The following DOK5 variants were observed in gnomAD, a reference collection of about 807,000 sequenced individuals.
The protein encoded by DOK5 is docking protein 5, also known as downstream of tyrosine kinase 5.
Under a neutral mutation model 43.3 loss-of-function variants are expected in DOK5, and 27 were observed. That is an observed-to-expected ratio of 0.62 (90% CI 0.46 to 0.86). The LOEUF (loss-of-function observed/expected upper bound fraction) is 0.86. Among genes scored for constraint, DOK5 ranks in the 40% least tolerant of loss-of-function variants. The probability of loss-of-function intolerance (pLI) is 0.00; values close to 1 mark genes in which losing one functional copy is unlikely to be tolerated. For synonymous variants in DOK5, 146 were observed against 140.1 expected, an observed-to-expected ratio of 1.04 and a Z score of -0.30; for missense variants, 373 against 392.9, an observed-to-expected ratio of 0.95 and a Z score of 0.43.
chr20:54,485,685 A>G (rs551419494), intron 1 of DOK5, among the ~76,000 whole-genome samples: 2 of 152,200 alleles, frequency 1.3e-5, no homozygotes, highest in Non-Finnish European at 2.9e-5. Flanking sequence ...CAGGAGTGCA[A>G]TTGCTGGGTT....
chr20:54,634,196 T>A (rs892519954), intron 6 of DOK5, among the ~76,000 whole-genome samples: 5 of 152,126 alleles, frequency 3.3e-5, no homozygotes, highest in African/African-American at 1.2e-4. Context: ...CCAAGAGGGC[T>A]GATAGAATTT....
rs919356601 is a variant in DOK5 at position 54,638,758 on chromosome 20, T to C, written c.736-4700T>C. On this transcript the variant is annotated intron_variant, in intron 6 of 7. Coordinates refer to ENST00000262593, the MANE Select transcript of DOK5 (RefSeq NM_018431.5). ...ACACCATTTCTTTTCTTTTCTTTTT[T>C]TTTTTTTTTTTTTGAGACTGAGTCT... is the stretch of plus-strand genomic sequence containing the variant. Among the ~76,000 whole-genome samples, 35 of 148,030 alleles carry C rather than the reference T, an allele frequency of 2.4e-4. No homozygotes were observed. In the South Asian group the frequency reaches 2.6e-3, roughly 11 times the overall value.
At chr20:54,526,363 G>C (rs765150326) in intron 1 of DOK5, among the ~76,000 whole-genome samples, 1 of 152,120 alleles carries the variant, frequency 6.6e-6, no homozygotes, top group Non-Finnish European at 1.5e-5. Context: ...GATCCATGGA[G>C]TTTTAGCTAG....
At chr20:54,541,682 C>A (rs911487587) in intron 1 of DOK5, among the ~76,000 whole-genome samples, 6 of 152,078 alleles carry the variant, frequency 3.9e-5, no homozygotes, top group Non-Finnish European at 2.9e-5. Flanking sequence ...AGTGATCCAC[C>A]TGCCTGGGCC....
rs1981385335 is a variant in DOK5, at chr20:54,475,644, G to C, written c.-303G>C. ...GGAGGCAGGGCTGGATCCCTCAGCC[G>C]CCGCCGCTCCTCCTCCTGGCAGGCC... is the stretch of plus-strand genomic sequence containing the variant. On this transcript the variant is annotated 5_prime_UTR_variant, in exon 1 of 8. Transcript: ENST00000262593. The surrounding 1 kb of genome is among the most constrained non-coding windows in gnomAD (Gnocchi z 4.2). 1 of 475,404 alleles carries C rather than the reference G, an allele frequency of 2.1e-6. No individual in the cohort carries two copies. The highest frequency in any genetic ancestry group is 3.5e-5 in the Admixed American group (1 of 28,380). 29.4% of individuals were successfully genotyped at this position (475,404 alleles called of 1,614,324 possible).
At chr20:54,480,287 C>T (rs951788273) in intron 1 of DOK5, among the ~76,000 whole-genome samples, 14 of 152,182 alleles carry the variant, frequency 9.2e-5, no homozygotes, top group African/African-American at 3.4e-4. Context: ...GCACAAGATA[C>T]AGGTCATAAA....
intron 1 of DOK5, among the ~76,000 whole-genome samples, chr20:54,482,643 C>T (rs1022391784): frequency 1.3e-5 from 2 of 152,106 alleles, no homozygotes; most frequent in Non-Finnish European, 2.9e-5. Flanking sequence ...ACTACAGGCA[C>T]ATGTCACCAC....
At chr20:54,630,997 G>A (rs1816209285) in intron 6 of DOK5, among the ~76,000 whole-genome samples, 2 of 152,088 alleles carry the variant, frequency 1.3e-5, no homozygotes, top group Admixed American at 1.3e-4. Context: ...GTCTCATCTG[G>A]TAAATTAAAC....
chr20:54,505,214 T>G (rs1380636348), intron 1 of DOK5, among the ~76,000 whole-genome samples: 1 of 152,174 alleles, frequency 6.6e-6, no homozygotes, highest in Non-Finnish European at 1.5e-5. Context: ...AATCAGGGGT[T>G]GGTAAATTAT....
At chr20:54,543,732 A>G (rs1984247504) in intron 1 of DOK5, among the ~76,000 whole-genome samples, 1 of 152,164 alleles carries the variant, frequency 6.6e-6, no homozygotes, top group African/African-American at 2.4e-5. Context: ...AACAGATTAA[A>G]AAGCAGGGGC....
chr20:54,646,248 G>GTTTTTTTTTTTTGTT (rs1979416324), intron 7 of DOK5, among the ~76,000 whole-genome samples: 7 of 79,922 alleles, frequency 8.8e-5, no homozygotes, highest in Admixed American at 6.0e-4. Flanking sequence ...TGGTTATACT[G>GTTTTTTTTTTTTGTT]TTTTTTTTTT....
intron 5 of DOK5, among the ~76,000 whole-genome samples, chr20:54,603,647 G>A (rs192081514): frequency 6.6e-6 from 1 of 152,226 alleles, no homozygotes; most frequent in African/African-American, 2.4e-5. Context: ...GTAGAGGCCG[G>A]GGATGCTGCT....
intron 6 of DOK5, among the ~76,000 whole-genome samples, chr20:54,634,437 C>CTTTTTTTTTTTT (rs11470013): frequency 5.5e-5 from 5 of 90,414 alleles, no homozygotes; most frequent in Non-Finnish European, 8.1e-5. Flanking sequence ...TCATATCATG[C>CTTTTTTTTTTTT]TTTTTTTTTT....
At chr20:54,632,310 C>A (rs1410505474) in intron 6 of DOK5, among the ~76,000 whole-genome samples, 1 of 152,086 alleles carries the variant, frequency 6.6e-6, no homozygotes, top group Non-Finnish European at 1.5e-5. Context: ...GTCGTTGTTG[C>A]CTAAAAATAT....
chr20:54,496,040 G>T (rs1982377372), intron 1 of DOK5, among the ~76,000 whole-genome samples: 1 of 152,214 alleles, frequency 6.6e-6, no homozygotes, highest in South Asian at 2.1e-4. Context: ...ACAGGATCAA[G>T]CGTGTGTGAA....
intron 1 of DOK5, among the ~76,000 whole-genome samples, chr20:54,511,554 A>G (rs1045394271): frequency 3.3e-5 from 5 of 152,242 alleles, no homozygotes; most frequent in South Asian, 2.1e-4. Flanking sequence ...ATGTTCATTC[A>G]CTGTCAACTA....
At chr20:54,523,156 G>A (rs1248155541) in intron 1 of DOK5, among the ~76,000 whole-genome samples, 1 of 152,234 alleles carries the variant, frequency 6.6e-6, no homozygotes, top group African/African-American at 2.4e-5. Context: ...CCTGGCCATT[G>A]TAGTGCCAAA....
At position 54,617,500 on chromosome 20, in the gene DOK5, T is replaced by G. The variant is rs185900159; in HGVS notation, c.735+6977T>G. On this transcript the variant is annotated intron_variant, in intron 6 of 7. Transcript: ENST00000262593. ...TGGTTCCTTTTATTTATTATTTATT[T>G]TTTGTAGACATGAGGTCTCCCTATA... Among the ~76,000 whole-genome samples the G allele has an allele frequency of 6.7e-3, 1,019 of 152,246 alleles. 10 individuals are homozygous for G. Among genetic ancestry groups the G allele is most frequent in the African/African-American group, 0.023 (962 of 41,546 alleles).
intron 5 of DOK5, among the ~76,000 whole-genome samples, chr20:54,602,505 A>G (rs1423769604): frequency 6.6e-6 from 1 of 151,942 alleles, no homozygotes; most frequent in East Asian, 1.9e-4. Context: ...TTTCTTTTCC[A>G]TTTACTTTTT....
Sources: allele counts gnomAD v4.1 joint callset (sites outside exome capture counted in the v4.1 genomes callset), GRCh38; gene constraint gnomAD v4.1.1; non-coding constraint Gnocchi (gnomAD v3.1); transcripts MANE v1.5; gene names NCBI Gene and HGNC (gene_info 2026-07-23, HGNC 2026-07-21).